The following ZFYVE9 variants were observed in gnomAD, a reference collection of about 807,000 sequenced individuals.
The protein encoded by ZFYVE9 is zinc finger FYVE domain-containing protein 9.
A neutral mutation model predicts 126.7 loss-of-function variants in ZFYVE9; 43 were observed. The ratio of observed to expected loss-of-function variants is 0.34; its 90% CI spans 0.27 to 0.44. The LOEUF (loss-of-function observed/expected upper bound fraction) is 0.44, where lower values mean the gene tolerates loss of function less well. Ranked by LOEUF, ZFYVE9 falls within the 20% of genes least tolerant of loss-of-function variation. The pLI, the probability that ZFYVE9 is intolerant of heterozygous loss-of-function variation, is 1.00. For missense variants in ZFYVE9, 1,476 were observed against 1,697.0 expected (o/e 0.87, Z 2.29); for synonymous variants, 521 against 597.4 (o/e 0.87, Z 1.87).
In ZFYVE9 at chr1:52,289,627, G is replaced by A. The variant is rs923831011; in HGVS notation, c.3026-3826G>A. On this transcript the variant is annotated intron_variant, in intron 10 of 18. Coordinates refer to ENST00000287727, the MANE Select transcript of ZFYVE9 (RefSeq NM_004799.4). ...AGACTTTATGAATTCAAGAGCTTCA[G>A]ATTAGGTCTTCAGATGAAAGCCTTT... Among the ~76,000 whole-genome samples the A allele has an allele frequency of 2.0e-5, 3 of 152,150 alleles. No individual in the cohort carries two copies. The East Asian group carries it at 5.8e-4, about 29-fold the overall frequency.
At chr1:52,293,338 C>T in intron 10 of ZFYVE9, 115 bp from the exon 11 acceptor site, 3 of 869,632 alleles carry the variant, frequency 3.4e-6, no homozygotes, top group Non-Finnish European at 4.9e-6. Flanking sequence ...AAGATTGCGC[C>T]ACTGCACTCC....
intron 1 of ZFYVE9, among the ~76,000 whole-genome samples, chr1:52,207,470 C>T (rs891622550): frequency 6.6e-6 from 1 of 152,048 alleles, no homozygotes; most frequent in African/African-American, 2.4e-5. Flanking sequence ...AAATTGAAGC[C>T]CTGTGTGAAT....
In ZFYVE9 at chr1:52,313,364, G is replaced by C. The variant is rs527558464; in HGVS notation, c.3438+9439G>C. On this transcript the variant is annotated intron_variant, in intron 13 of 18. Transcript: ENST00000287727. ...TACTGCCTGTAGTTTTCAGGCCATA[G>C]AGCGGGTAGGGGAAACCCAAACTGA... 1.6e-4 allele frequency among the ~76,000 whole-genome samples: 25 copies of C among 152,310 alleles called. No individual in the cohort carries two copies. The South Asian group carries it at 4.8e-3, about 29-fold the overall frequency.
intron 1 of ZFYVE9, among the ~76,000 whole-genome samples, chr1:52,145,793 G>A (rs1470836664): frequency 2.0e-5 from 3 of 151,998 alleles, no homozygotes; most frequent in Non-Finnish European, 4.4e-5. Context: ...TTGGGATTTG[G>A]AATTTTTTAT....
At chr1:52,292,310 A>G (rs1645929448) in intron 10 of ZFYVE9, among the ~76,000 whole-genome samples, 1 of 151,558 alleles carries the variant, frequency 6.6e-6, no homozygotes, top group Admixed American at 6.6e-5. Flanking sequence ...AAAACGAGAA[A>G]AAAACAACTT....
intron 1 of ZFYVE9, among the ~76,000 whole-genome samples, chr1:52,213,915 T>G (rs1645049711): frequency 6.6e-6 from 1 of 151,926 alleles, no homozygotes; most frequent in South Asian, 2.1e-4. Flanking sequence ...AGGGCTTAGG[T>G]GAGGTGTGGT....
chr1:52,319,066 C>A (rs561157740), intron 13 of ZFYVE9, among the ~76,000 whole-genome samples: 6 of 152,320 alleles, frequency 3.9e-5, no homozygotes, highest in Admixed American at 2.0e-4. Flanking sequence ...CACTGCACTT[C>A]ACTCTGGGTG....
chr1:52,166,298 A>G (rs1644513338), intron 1 of ZFYVE9, among the ~76,000 whole-genome samples: 2 of 152,188 alleles, frequency 1.3e-5, no homozygotes, highest in Admixed American at 6.5e-5. Flanking sequence ...AGTTGTCAAC[A>G]TGGTGAAAAG....
chr1:52,149,749 T>A (rs1441104201), intron 1 of ZFYVE9, among the ~76,000 whole-genome samples: 1 of 152,202 alleles, frequency 6.6e-6, no homozygotes, highest in African/African-American at 2.4e-5. Context: ...TGCTTTGGCC[T>A]CCCAAAGTGC....
At chr1:52,149,537 C>T (rs954795814) in intron 1 of ZFYVE9, among the ~76,000 whole-genome samples, 4 of 152,146 alleles carry the variant, frequency 2.6e-5, no homozygotes, top group Non-Finnish European at 2.9e-5. Flanking sequence ...TTAAGAATTG[C>T]CGTTACCTCT....
intron 1 of ZFYVE9, among the ~76,000 whole-genome samples, chr1:52,184,932 T>C (rs1644750912): frequency 6.6e-6 from 1 of 151,940 alleles, no homozygotes; most frequent in Admixed American, 6.6e-5. Context: ...AGGGGGAGGA[T>C]TGTTTGAGCT....
intron 2 of ZFYVE9, among the ~76,000 whole-genome samples, chr1:52,224,828 G>C (rs905870370): frequency 2.0e-5 from 3 of 152,034 alleles, no homozygotes; most frequent in Non-Finnish European, 4.4e-5. Context: ...TAAATGTCTC[G>C]TATTAGAGAT....
chr1:52,157,671 G>T (rs189203120), intron 1 of ZFYVE9, among the ~76,000 whole-genome samples: 68 of 152,152 alleles, frequency 4.5e-4, no homozygotes, highest in African/African-American at 1.3e-3. Flanking sequence ...CCCAGAGTGT[G>T]CTGGGATTAC....
intron 13 of ZFYVE9, among the ~76,000 whole-genome samples, chr1:52,320,684 G>T (rs1415050268): frequency 6.6e-6 from 1 of 152,104 alleles, no homozygotes; most frequent in Non-Finnish European, 1.5e-5. Context: ...TCTGAAAGAA[G>T]ACATAAGATA....
chr1:52,227,810 G>A (rs1455746665), intron 2 of ZFYVE9, among the ~76,000 whole-genome samples: 1 of 152,104 alleles, frequency 6.6e-6, no homozygotes, highest in African/African-American at 2.4e-5. Flanking sequence ...ACCATGGAGG[G>A]GACTTTTTCT....
At chr1:52,278,805 C>G (rs899176870) in intron 9 of ZFYVE9, among the ~76,000 whole-genome samples, 191 bp downstream of exon 9, 19 of 150,922 alleles carry the variant, frequency 1.3e-4, no homozygotes, top group African/African-American at 4.6e-4. Flanking sequence ...CGGCTCACTG[C>G]AAGCTCCACC....
In ZFYVE9 at chr1:52,311,261, A is replaced by AT. The variant is rs35243533; in HGVS notation, c.3438+7356dup. The stretch of plus-strand genomic sequence containing the variant: ...TTAGAATCAAATAGACCTTGGATTG[A>AT]TTTTTTTTTTTTTTTTTTTTGAGAT... On this transcript the variant is annotated intron_variant, in intron 13 of 18. Transcript: ENST00000287727. Among the ~76,000 whole-genome samples, 147 of 102,576 alleles carry AT rather than the reference A, an allele frequency of 1.4e-3. No individual in the cohort carries two copies. The South Asian group carries it at 0.015, about 11-fold the overall frequency. The allele number at this position is 102,576 out of a possible 152,430, so 67.3% of individuals were successfully genotyped here.
intron 13 of ZFYVE9, among the ~76,000 whole-genome samples, chr1:52,319,521 G>A (rs575495154): frequency 1.3e-5 from 2 of 151,946 alleles, no homozygotes; most frequent in African/African-American, 4.8e-5. Context: ...CTACTCAGGA[G>A]GTTGAGGCAG....
chr1:52,261,704 G>A (rs1645581718), intron 4 of ZFYVE9, among the ~76,000 whole-genome samples: 2 of 152,170 alleles, frequency 1.3e-5, no homozygotes, highest in Admixed American at 6.5e-5. Context: ...GTGAAGATTA[G>A]GAGAACAGTT....
Sources: allele counts gnomAD v4.1 joint callset (sites outside exome capture counted in the v4.1 genomes callset), GRCh38; gene constraint gnomAD v4.1.1; transcripts MANE v1.5; gene names NCBI Gene and HGNC (gene_info 2026-07-23, HGNC 2026-07-21).